Variants in MCUR1 observed in about 807,000 individuals in gnomAD.
MCUR1 encodes the protein MCU regulator 1.
In MCUR1, 37 loss-of-function variants were observed where a neutral mutation model predicts 42.0. The ratio of observed to expected loss-of-function variants is 0.88; its 90% CI spans 0.68 to 1.16. The LOEUF (loss-of-function observed/expected upper bound fraction) is 1.16. Ranked by LOEUF, MCUR1 falls within the 50% of genes most tolerant of loss-of-function variation. The pLI, the probability that MCUR1 is intolerant of heterozygous loss-of-function variation, is 0.00. For missense variants in MCUR1, 469 were observed against 468.4 expected (o/e 1.00, Z -0.01); for synonymous variants, 229 against 196.2 (o/e 1.17, Z -1.40).
intron 6 of MCUR1, among the ~76,000 whole-genome samples, chr6:13,795,261 T>G (rs1385456523): frequency 6.6e-6 from 1 of 152,128 alleles, no homozygotes; most frequent in East Asian, 1.9e-4. Context: ...GAGAGCCCGA[T>G]GCATCAGATC....
In MCUR1 at chr6:13,798,798, T is replaced by C. The variant is rs77264261; in HGVS notation, c.855+35A>G. ...CCAAGCATTCCATTCCAAAAATAAA[T>C]TAATTCATAATGTGTTTTTAGTAAA... is the stretch of plus-strand genomic sequence containing the variant. On this transcript the variant is annotated intron_variant, in intron 6 of 8. Coordinates refer to ENST00000379170, the MANE Select transcript of MCUR1 (RefSeq NM_001031713.4). 1.8e-3 allele frequency: 2,782 copies of C among 1,536,566 alleles called. 99 individuals are homozygous for C. The East Asian group carries it at 0.057, about 31-fold the overall frequency.
Position 13,800,387 on chromosome 6 carries a change from A to G in MCUR1, c.742-5T>C, listed in dbSNP as rs750476851. ...ATGTAGTTCGAGTTTTATTTTCTAA[A>G]AACACATAAAAAAAAAGTCATTAGA... On this transcript the variant is annotated splice_polypyrimidine_tract_variant and splice_region_variant and intron_variant, in intron 4 of 8. Transcript: ENST00000379170. 2.1e-6 allele frequency: 3 copies of G among 1,453,098 alleles called. No individual in the cohort carries two copies. The highest frequency in any genetic ancestry group is 1.7e-4 in the Middle Eastern group (1 of 5,718). The allele number at this position is 1,453,098 out of a possible 1,614,324, so 90.0% of individuals were successfully genotyped here. A position where few individuals can be genotyped will look rare whatever the true frequency, so the allele number is the denominator to read the frequency against.
chr6:13,812,932 T>C (rs944678807), intron 1 of MCUR1, among the ~76,000 whole-genome samples: 4 of 152,190 alleles, frequency 2.6e-5, no homozygotes, highest in African/African-American at 9.7e-5. Context: ...TCACCTCCTT[T>C]AAATAGTCAT....
At chr6:13,802,220 C>G (rs757780896) in intron 3 of MCUR1, 23 bp downstream of exon 3, 1 of 1,601,336 alleles carries the variant, frequency 6.2e-7, no homozygotes, top group Non-Finnish European at 8.6e-7. Flanking sequence ...TCCTAATTTG[C>G]TAAACCACCC....
intron 4 of MCUR1, among the ~76,000 whole-genome samples, chr6:13,800,641 C>T (rs779906337): frequency 4.6e-5 from 7 of 152,150 alleles, no homozygotes; most frequent in African/African-American, 1.2e-4. Flanking sequence ...GTATCTCCTT[C>T]GGTTTATCTT....
chr6:13,806,485 A>C (rs1760114459), intron 2 of MCUR1, among the ~76,000 whole-genome samples: 1 of 152,258 alleles, frequency 6.6e-6, no homozygotes, highest in African/African-American at 2.4e-5. Flanking sequence ...GTGATGTTAC[A>C]GAAATACACT....
rs529370774 is a variant in MCUR1, at chr6:13,804,936, C to A, written c.535+1989G>T. ...GAGAAATTTTGTTAACCTGAAGACA[C>A]AGGTCTGGATAAAGAAAGGGTAGAA... is the stretch of plus-strand genomic sequence containing the variant. On this transcript the variant is annotated intron_variant, in intron 2 of 8. Transcript: ENST00000379170. Among the ~76,000 whole-genome samples the A allele has an allele frequency of 1.8e-4, 27 of 151,858 alleles. 1 individual carries two copies. The South Asian group carries it at 5.4e-3, about 30-fold the overall frequency.
At position 13,787,575 on chromosome 6, in the gene MCUR1, G is replaced by A. The variant is rs1021652525; in HGVS notation, c.*3234C>T. On this transcript the variant is annotated 3_prime_UTR_variant, in exon 9 of 9. Transcript: ENST00000379170. ...GGCAGGGGAGGGGAGAGAAGAAAAG[G>A]AGGAATGCAGAGAAGCCCTCCAAGA... 3 of 152,234 alleles carry A rather than the reference G, an allele frequency of 2.0e-5. No individual in the cohort carries two copies. The highest frequency in any genetic ancestry group is 7.2e-5 in the African/African-American group (3 of 41,448). 9.4% of individuals were successfully genotyped at this position (152,234 alleles called of 1,614,324 possible).
rs570807309 is a variant in MCUR1 at position 13,790,641 on chromosome 6, C to T, written c.*168G>A. ...TAATGTTTTAATTTTTTAGTAGAGA[C>T]GGGGTTTCACCGTGTTGGCCAGGCT... On this transcript the variant is annotated 3_prime_UTR_variant, in exon 9 of 9. Transcript: ENST00000379170. 19 of 432,770 alleles carry T rather than the reference C, an allele frequency of 4.4e-5. No individual in the cohort carries two copies. The highest frequency in any genetic ancestry group is 8.4e-5 in the African/African-American group (4 of 47,380). 26.8% of individuals were successfully genotyped at this position (432,770 alleles called of 1,614,324 possible).
chr6:13,801,195 A>G (rs369049752), intron 4 of MCUR1, 93 bp downstream of exon 4: 28 of 851,624 alleles, frequency 3.3e-5, no homozygotes, highest in South Asian at 2.5e-4. Context: ...ATTCACTGAG[A>G]TGTACACTTA....
Position 13,790,627 on chromosome 6 carries a change from T to C in MCUR1, c.*182A>G. 1 of 401,484 alleles carries C rather than the reference T, an allele frequency of 2.5e-6. No homozygotes were observed. Among genetic ancestry groups the C allele is most frequent in the Non-Finnish European group, 4.7e-6 (1 of 214,116 alleles). The allele number at this position is 401,484 out of a possible 1,614,324, so 24.9% of individuals were successfully genotyped here. A position where few individuals can be genotyped will look rare whatever the true frequency, so the allele number is the denominator to read the frequency against. On this transcript the variant is annotated 3_prime_UTR_variant, in exon 9 of 9. Coordinates refer to ENST00000379170, the MANE Select transcript of MCUR1 (RefSeq NM_001031713.4). ...CCACCACGCCCGCCTAATGTTTTAATTTTTTAGTAGAGACGGGGTTTCACC... is the reference window on the plus strand; with the variant it reads ...CCACCACGCCCGCCTAATGTTTTAACTTTTTAGTAGAGACGGGGTTTCACC...
chr6:13,800,286 ATT>A (rs1273773759), intron 5 of MCUR1, 53 bp downstream of exon 5: 1 of 1,177,886 alleles, frequency 8.5e-7, no homozygotes, highest in Non-Finnish European at 1.2e-6. Context: ...TATTATACTT[ATT>A]AATAAGTTTA....
intron 2 of MCUR1, among the ~76,000 whole-genome samples, chr6:13,805,088 T>C (rs1050185702): frequency 3.9e-5 from 6 of 152,056 alleles, no homozygotes; most frequent in Admixed American, 6.6e-5. Flanking sequence ...CACCACAGTC[T>C]TGAAAGATGC....
chr6:13,796,291 C>CTT lies in MCUR1; in HGVS notation c.856-2346_856-2345dup, dbSNP rs369077522. ...GAAATTTCATCATTTTTTTTCTTTTCTTTTTTTTTTTTTTGAGACAGGGTC... is the reference window on the plus strand; with the variant it reads ...GAAATTTCATCATTTTTTTTCTTTTCTTTTTTTTTTTTTTTTGAGACAGGGTC... On this transcript the variant is annotated intron_variant, in intron 6 of 8. Coordinates refer to ENST00000379170, the MANE Select transcript of MCUR1 (RefSeq NM_001031713.4). Among the ~76,000 whole-genome samples, 95 of 139,250 alleles carry CTT rather than the reference C, an allele frequency of 6.8e-4. 1 individual carries two copies. Among genetic ancestry groups the CTT allele is most frequent in the African/African-American group, 2.0e-3 (75 of 37,206 alleles). 91.4% of individuals were successfully genotyped at this position (139,250 alleles called of 152,430 possible).
At chr6:13,811,490 G>A (rs1237662697) in intron 1 of MCUR1, among the ~76,000 whole-genome samples, 2 of 151,898 alleles carry the variant, frequency 1.3e-5, no homozygotes. Flanking sequence ...CTCTTTTTTA[G>A]TTTATTTCCA....
chr6:13,798,810 G>T, intron 6 of MCUR1, 23 bp downstream of exon 6: 2 of 1,571,282 alleles, frequency 1.3e-6, no homozygotes, highest in Non-Finnish European at 8.7e-7. Flanking sequence ...AATTCATAAT[G>T]TGTTTTTAGT....
intron 1 of MCUR1, among the ~76,000 whole-genome samples, chr6:13,809,021 G>C (rs1760172762): frequency 6.6e-6 from 1 of 152,122 alleles, no homozygotes; most frequent in African/African-American, 2.4e-5. Context: ...GCTCACTACA[G>C]ACTCGACCTC....
At chr6:13,796,252 G>A (rs60317605) in intron 6 of MCUR1, among the ~76,000 whole-genome samples, 3,956 of 150,488 alleles carry the variant, frequency 0.026, 156 homozygotes, top group African/African-American at 0.09. Flanking sequence ...AAAAATATGA[G>A]TATTTGCAAG....
rs1030954170 is a variant in MCUR1 at position 13,789,078 on chromosome 6, T to C, written c.*1731A>G. 4.6e-5 allele frequency: 7 copies of C among 152,250 alleles called. No individual in the cohort carries two copies. The highest frequency in any genetic ancestry group is 1.4e-4 in the African/African-American group (6 of 41,466). The allele number at this position is 152,250 out of a possible 1,614,324, so 9.4% of individuals were successfully genotyped here. ...AGAAAAGCTTCTATCCATGTCATTG[T>C]CTCTCTTGCCCATGTGCCAGTAATT... On this transcript the variant is annotated 3_prime_UTR_variant, in exon 9 of 9. Transcript: ENST00000379170.
Sources: allele counts gnomAD v4.1 joint callset (sites outside exome capture counted in the v4.1 genomes callset), GRCh38; gene constraint gnomAD v4.1.1; transcripts MANE v1.5; gene names NCBI Gene and HGNC (gene_info 2026-07-23, HGNC 2026-07-21).